ULK4: variants seen among roughly 807,000 people sequenced by gnomAD.
ULK4 encodes unc-51 like kinase 4.
Under a neutral mutation model 160.6 loss-of-function variants are expected in ULK4, and 133 were observed. That is an observed-to-expected ratio of 0.83 (90% CI 0.72 to 0.96). ULK4 has a LOEUF of 0.96. Among genes scored for constraint, ULK4 ranks in the 40% least tolerant of loss-of-function variants. The pLI is 0.00. For missense variants in ULK4, 1,580 were observed against 1,499.5 expected, an observed-to-expected ratio of 1.05 and a Z score of -0.89; for synonymous variants, 534 against 539.8, an observed-to-expected ratio of 0.99 and a Z score of 0.15.
Position 41,370,199 on chromosome 3 carries a change from A to T in ULK4, c.3678+27880T>A, listed in dbSNP as rs530332419. Among the ~76,000 whole-genome samples, 3 of 149,290 alleles carry T rather than the reference A, an allele frequency of 2.0e-5. No individual in the cohort carries two copies. The South Asian group carries it at 6.4e-4, about 32-fold the overall frequency. On this transcript the variant is annotated intron_variant, in intron 35 of 36. Transcript: ENST00000301831. ...TTCTTGACATGACAATGAAGGAATT[A>T]AAAAAAAAAGCAAGTGGCATCAAAA...
At chr3:41,846,052 C>T (rs1418287410) in intron 17 of ULK4, among the ~76,000 whole-genome samples, 2 of 152,292 alleles carry the variant, frequency 1.3e-5, no homozygotes, top group Admixed American at 1.3e-4. Flanking sequence ...GGACTGCCTC[C>T]AGCATAATAG....
chr3:41,272,732 C>T (rs547472896), intron 35 of ULK4, among the ~76,000 whole-genome samples: 7 of 152,190 alleles, frequency 4.6e-5, no homozygotes, highest in African/African-American at 1.2e-4. Context: ...TTCATTAGCT[C>T]CAATCACACA....
intron 35 of ULK4, among the ~76,000 whole-genome samples, chr3:41,393,160 T>G (rs952406153): frequency 1.1e-4 from 16 of 152,156 alleles, no homozygotes; most frequent in Non-Finnish European, 1.9e-4. Context: ...GAACTGCCAA[T>G]AACAAAACCG....
intron 35 of ULK4, among the ~76,000 whole-genome samples, chr3:41,266,091 C>T (rs2079027694): frequency 6.6e-6 from 1 of 152,210 alleles, no homozygotes; most frequent in Non-Finnish European, 1.5e-5. Context: ...CCCAGGCCTC[C>T]AAGGGCAACA....
chr3:41,400,712 TG>T (rs1274005329), intron 34 of ULK4, among the ~76,000 whole-genome samples: 5 of 152,194 alleles, frequency 3.3e-5, no homozygotes, highest in Non-Finnish European at 7.3e-5. Flanking sequence ...CTGGGTTGTA[TG>T]GGAGACTCAT....
intron 30 of ULK4, among the ~76,000 whole-genome samples, chr3:41,642,194 CTTTT>C (rs199753445): frequency 6.6e-6 from 1 of 151,194 alleles, no homozygotes; most frequent in Non-Finnish European, 1.5e-5. Context: ...AGTTTTTACT[CTTTT>C]TTTTTAATAC....
chr3:41,626,795 G>A (rs2033535599), intron 30 of ULK4, among the ~76,000 whole-genome samples: 1 of 152,014 alleles, frequency 6.6e-6, no homozygotes, highest in Non-Finnish European at 1.5e-5. Flanking sequence ...CAAAGTGCTG[G>A]GATTATAAGC....
chr3:41,489,724 C>T (rs946340826), intron 32 of ULK4, among the ~76,000 whole-genome samples: 1 of 152,052 alleles, frequency 6.6e-6, no homozygotes, highest in Non-Finnish European at 1.5e-5. Context: ...CTAGTAAATA[C>T]GAGTTCTCCT....
chr3:41,826,569 T>C (rs974869865), intron 18 of ULK4, among the ~76,000 whole-genome samples: 16 of 147,532 alleles, frequency 1.1e-4, no homozygotes, highest in Admixed American at 3.3e-4. Context: ...AGAAGGCCAT[T>C]ATATACTGGT....
chr3:41,597,796 C>A (rs556563651), intron 31 of ULK4, among the ~76,000 whole-genome samples: 1 of 152,252 alleles, frequency 6.6e-6, no homozygotes, highest in Non-Finnish European at 1.5e-5. Context: ...AAAACACAAA[C>A]TTAGAGATTT....
At chr3:41,956,289 G>A (rs1174071302) in intron 1 of ULK4, among the ~76,000 whole-genome samples, 1 of 152,200 alleles carries the variant, frequency 6.6e-6, no homozygotes, top group Non-Finnish European at 1.5e-5. Context: ...TTGATTTACC[G>A]GAGGTGAGCG....
At chr3:41,272,343 G>GTTTTTTTTT (rs3038324) in intron 35 of ULK4, among the ~76,000 whole-genome samples, 4 of 95,478 alleles carry the variant, frequency 4.2e-5, no homozygotes, top group Middle Eastern at 7.6e-3. Flanking sequence ...AATTTTGAAA[G>GTTTTTTTTT]TTTTTTTTTT....
intron 27 of ULK4, among the ~76,000 whole-genome samples, chr3:41,688,437 TA>T (rs1172755461): frequency 3.3e-5 from 5 of 152,200 alleles, no homozygotes; most frequent in Non-Finnish European, 5.9e-5. Context: ...AGGTACTTAC[TA>T]AGAATATATG....
At chr3:41,278,922 G>A (rs533802689) in intron 35 of ULK4, among the ~76,000 whole-genome samples, 44 of 152,144 alleles carry the variant, frequency 2.9e-4, no homozygotes, top group East Asian at 7.7e-4. Context: ...TGCCGGCAGC[G>A]GAAAAAAACT....
At chr3:41,680,722 A>G (rs1401928691) in intron 29 of ULK4, among the ~76,000 whole-genome samples, 3 of 152,220 alleles carry the variant, frequency 2.0e-5, no homozygotes, top group East Asian at 1.9e-4. Flanking sequence ...TCAGGCTGTC[A>G]TTCTTATAAA....
chr3:41,675,543 T>C (rs947357954), intron 29 of ULK4, among the ~76,000 whole-genome samples: 1 of 151,996 alleles, frequency 6.6e-6, no homozygotes, highest in Non-Finnish European at 1.5e-5. Context: ...TGAGCCAGGA[T>C]TGCACTACTG....
intron 32 of ULK4, among the ~76,000 whole-genome samples, chr3:41,501,259 A>C (rs1430269681): frequency 6.6e-6 from 1 of 152,188 alleles, no homozygotes; most frequent in African/African-American, 2.4e-5. Context: ...GCACTTTGGG[A>C]GGCCGAGACG....
chr3:41,543,329 G>A (rs1308576296), intron 32 of ULK4, among the ~76,000 whole-genome samples: 2 of 152,084 alleles, frequency 1.3e-5, no homozygotes, highest in Admixed American at 1.3e-4. Flanking sequence ...ATGTACCCAA[G>A]GAGCCTCATG....
At chr3:41,784,439 A>G (rs2039943798) in intron 21 of ULK4, among the ~76,000 whole-genome samples, 1 of 152,140 alleles carries the variant, frequency 6.6e-6, no homozygotes, top group African/African-American at 2.4e-5. Flanking sequence ...TCTCAAAAAA[A>G]AAGTTTCCTA....
Sources: allele counts gnomAD v4.1 joint callset (sites outside exome capture counted in the v4.1 genomes callset), GRCh38; gene constraint gnomAD v4.1.1; transcripts MANE v1.5; gene names NCBI Gene and HGNC (gene_info 2026-07-23, HGNC 2026-07-21).